The following FHIT variants were observed in gnomAD, a reference collection of about 807,000 sequenced individuals.
The protein encoded by FHIT is fragile histidine triad diadenosine triphosphatase, also known as bis(5'-adenosyl)-triphosphatase.
Under a neutral mutation model 17.9 loss-of-function variants are expected in FHIT, and 19 were observed. The ratio of observed to expected loss-of-function variants is 1.06; its 90% CI spans 0.74 to 1.56. The LOEUF is 1.56. Among genes scored for constraint, FHIT ranks in the 40% most tolerant of loss-of-function variants. The pLI, the probability that FHIT is intolerant of heterozygous loss-of-function variation, is 0.00. For synonymous variants in FHIT, 81 were observed against 69.7 expected (o/e 1.16, Z -0.81); for missense variants, 248 against 189.2 (o/e 1.31, Z -1.82).
chr3:60,102,975 G>C (rs1278800572), intron 5 of FHIT, among the ~76,000 whole-genome samples: 1 of 152,110 alleles, frequency 6.6e-6, no homozygotes, highest in African/African-American at 2.4e-5. Flanking sequence ...ATAATTCCTA[G>C]ACTTTTTCTT....
intron 3 of FHIT, among the ~76,000 whole-genome samples, chr3:60,867,586 T>C (rs144866482): frequency 6.6e-6 from 1 of 152,308 alleles, no homozygotes; most frequent in East Asian, 1.9e-4. Context: ...GCCCCAAGCA[T>C]AGAGACTCCT....
At chr3:59,912,578 G>C (rs1704931946) in intron 8 of FHIT, among the ~76,000 whole-genome samples, 1 of 152,170 alleles carries the variant, frequency 6.6e-6, no homozygotes, top group African/African-American at 2.4e-5. Flanking sequence ...TCAACTGATA[G>C]GGCCAAGATT....
intron 4 of FHIT, among the ~76,000 whole-genome samples, chr3:60,700,103 C>A (rs2041209184): frequency 6.7e-6 from 1 of 149,152 alleles, no homozygotes; most frequent in Admixed American, 6.7e-5. Context: ...TGCACTCCAG[C>A]CTGGGCAGCA....
At chr3:60,297,844 G>A (rs1217864451) in intron 5 of FHIT, among the ~76,000 whole-genome samples, 1 of 152,040 alleles carries the variant, frequency 6.6e-6, no homozygotes, top group African/African-American at 2.4e-5. Context: ...GATCCAACAG[G>A]TTAGGGGTTC....
chr3:60,159,446 G>A (rs1463764051), intron 5 of FHIT, among the ~76,000 whole-genome samples: 3 of 152,174 alleles, frequency 2.0e-5, no homozygotes, highest in Admixed American at 2.0e-4. Context: ...TATAGAAAGG[G>A]TAAGATTCTC....
intron 1 of FHIT, among the ~76,000 whole-genome samples, chr3:61,225,430 T>C (rs1443476337): frequency 6.6e-6 from 1 of 152,220 alleles, no homozygotes. Flanking sequence ...TCTGTAACTT[T>C]AACATGCCTT....
chr3:59,885,380 G>A (rs1219514153), intron 8 of FHIT, among the ~76,000 whole-genome samples: 6 of 151,242 alleles, frequency 4.0e-5, no homozygotes, highest in Non-Finnish European at 2.9e-5. Flanking sequence ...GTGACCGCAG[G>A]AACAAAAATG....
intron 5 of FHIT, among the ~76,000 whole-genome samples, chr3:60,446,161 C>A (rs1015509603): frequency 1.3e-5 from 2 of 152,052 alleles, no homozygotes; most frequent in Admixed American, 1.3e-4. Flanking sequence ...AGAACTGCAA[C>A]TAATTAGCTT....
chr3:60,453,600 G>C (rs1460201098), intron 5 of FHIT, among the ~76,000 whole-genome samples: 1 of 152,102 alleles, frequency 6.6e-6, no homozygotes, highest in African/African-American at 2.4e-5. Flanking sequence ...TTCACCATCA[G>C]TCCTGTTTTA....
intron 3 of FHIT, among the ~76,000 whole-genome samples, chr3:60,864,614 G>A (rs1704078913): frequency 6.6e-6 from 1 of 152,108 alleles, no homozygotes; most frequent in African/African-American, 2.4e-5. Context: ...AGGGGTGGCA[G>A]ATGAGGTTGG....
intron 5 of FHIT, among the ~76,000 whole-genome samples, chr3:60,381,478 CAAAAAAAAAAA>C (rs1271942899): frequency 8.7e-6 from 1 of 115,284 alleles, no homozygotes; most frequent in Non-Finnish European, 1.8e-5. Context: ...AACTCCATCT[CAAAAAAAAAAA>C]GAAAAGAAAA....
intron 8 of FHIT, among the ~76,000 whole-genome samples, chr3:59,783,973 AGAAGGGAAGCTGGGGAG>A (rs1702723696): frequency 6.6e-6 from 1 of 152,222 alleles, no homozygotes; most frequent in African/African-American, 2.4e-5. Context: ...ATAGGAAGTC[AGAAGGGAAGCTGGGGAG>A]GAGAGTGGGG....
intron 5 of FHIT, among the ~76,000 whole-genome samples, chr3:60,387,441 T>G (rs1348073969): frequency 3.3e-5 from 5 of 152,216 alleles, no homozygotes; most frequent in African/African-American, 1.2e-4. Context: ...GGACAGTGCC[T>G]AGCATCTAAC....
chr3:60,318,510 T>C (rs565519578), intron 5 of FHIT, among the ~76,000 whole-genome samples: 2 of 152,112 alleles, frequency 1.3e-5, no homozygotes, highest in African/African-American at 2.4e-5. Flanking sequence ...AACACAGAAA[T>C]AGGTCAAGCA....
At chr3:60,976,073 T>C (rs1356977164) in intron 3 of FHIT, among the ~76,000 whole-genome samples, 4 of 150,880 alleles carry the variant, frequency 2.7e-5, no homozygotes, top group Non-Finnish European at 4.4e-5. Context: ...CAAACATACT[T>C]TGTATCTTTC....
At chr3:60,011,110 G>A (rs1003253196) in intron 7 of FHIT, among the ~76,000 whole-genome samples, 29 of 152,196 alleles carry the variant, frequency 1.9e-4, no homozygotes, top group Non-Finnish European at 2.2e-4. Flanking sequence ...TTATGTTTCC[G>A]GACTCCTTGA....
At chr3:59,818,566 T>TG (rs1229995362) in intron 8 of FHIT, among the ~76,000 whole-genome samples, 3 of 152,226 alleles carry the variant, frequency 2.0e-5, no homozygotes, top group African/African-American at 7.2e-5. Flanking sequence ...ATAAGTTTTT[T>TG]GGGGGACTTG....
At chr3:59,880,079 AG>A (rs1371864707) in intron 8 of FHIT, among the ~76,000 whole-genome samples, 1 of 152,214 alleles carries the variant, frequency 6.6e-6, no homozygotes, top group Non-Finnish European at 1.5e-5. Context: ...ACAGGGACAA[AG>A]AAGCATGGCA....
chr3:60,772,922 C>A (rs868910679), intron 4 of FHIT, among the ~76,000 whole-genome samples: 38 of 152,282 alleles, frequency 2.5e-4, no homozygotes, highest in South Asian at 1.5e-3. Context: ...AAATCTCCAA[C>A]CCAGCCAATC....
Sources: allele counts gnomAD v4.1 joint callset (sites outside exome capture counted in the v4.1 genomes callset), GRCh38; gene constraint gnomAD v4.1.1; transcripts MANE v1.5; gene names NCBI Gene and HGNC (gene_info 2026-07-23, HGNC 2026-07-21).